Variants in DNAH1 observed in about 807,000 individuals in gnomAD.
DNAH1 encodes dynein axonemal heavy chain 1.
DNAH1 carries 327 observed loss-of-function variants against 484.3 expected under a neutral mutation model. That is an observed-to-expected ratio of 0.68 (90% CI 0.62 to 0.74). The LOEUF (loss-of-function observed/expected upper bound fraction) is 0.74, where lower values mean the gene tolerates loss of function less well. Among genes scored for constraint, DNAH1 ranks in the 30% least tolerant of loss-of-function variants. DNAH1 has a pLI of 0.00. For missense variants in DNAH1, 5,052 were observed against 5,546.8 expected (o/e 0.91, Z 2.83); for synonymous variants, 2,192 against 2,191.9 (o/e 1.00, Z 0.00).
Position 52,382,673 on chromosome 3 carries a change from T to C in DNAH1, c.7941+218T>C, listed in dbSNP as rs149267244. Among the ~76,000 whole-genome samples the C allele has an allele frequency of 3.3e-3, 496 of 152,236 alleles. 3 individuals carry two copies. Among genetic ancestry groups the C allele is most frequent in the Non-Finnish European group, 5.4e-3 (370 of 68,010 alleles). On this transcript the variant is annotated intron_variant, in intron 50 of 77. Transcript: ENST00000420323. ...GCTAAGGTGGGGTATAGATCATCAC[T>C]CATGCCCCGAAGGTAAAGAAGGCCC...
intron 3 of DNAH1, among the ~76,000 whole-genome samples, chr3:52,325,927 CCTT>C (rs1701320512): frequency 6.6e-6 from 1 of 152,134 alleles, no homozygotes; most frequent in Non-Finnish European, 1.5e-5. Flanking sequence ...CTAGGACAGA[CCTT>C]CTGGAAGCCA....
Position 52,362,261 on chromosome 3 carries a change from G to A in DNAH1, c.4981-127G>A, listed in dbSNP as rs932746112. ...GAGAGAGGATACAACCCATGATCAGGGGTCCAGGCCTGGCCTACCAGCTAC... is the reference window on the plus strand; with the variant it reads ...GAGAGAGGATACAACCCATGATCAGAGGTCCAGGCCTGGCCTACCAGCTAC... On this transcript the variant is annotated intron_variant, in intron 30 of 77. Coordinates refer to ENST00000420323, the MANE Select transcript of DNAH1 (RefSeq NM_015512.5). The surrounding 1 kb of genome is among the most constrained non-coding windows in gnomAD (Gnocchi z 5.1). The A allele has an allele frequency of 2.7e-6, 2 of 736,026 alleles. No homozygotes were observed. Among genetic ancestry groups the A allele is most frequent in the Admixed American group, 2.4e-5 (1 of 42,524 alleles). The allele number at this position is 736,026 out of a possible 1,614,324, so 45.6% of individuals were successfully genotyped here.
At chr3:52,394,177 G>A (rs1704516065) in intron 66 of DNAH1, among the ~76,000 whole-genome samples, 1 of 152,252 alleles carries the variant, frequency 6.6e-6, no homozygotes. Flanking sequence ...AGCCCTAACT[G>A]CGTGCCTGGC....
Position 52,389,437 on chromosome 3 carries a change from G to A in DNAH1, c.9496-24G>A, listed in dbSNP as rs563845666. 5.0e-6 allele frequency: 8 copies of A among 1,611,170 alleles called. No individual in the cohort carries two copies. In the Admixed American group the frequency reaches 8.4e-5, roughly 17 times the overall value. ...TCTCTGTGAGTGTCATGGTGGGGTG[G>A]TCCTGAGTCTGGCATCTCCCCAGGG... On this transcript the variant is annotated intron_variant, in intron 59 of 77. Transcript: ENST00000420323.
chr3:52,348,266 G>C lies in DNAH1; in HGVS notation c.2106+292G>C, dbSNP rs531691754. 5.3e-5 allele frequency among the ~76,000 whole-genome samples: 8 copies of C among 152,310 alleles called. No individual in the cohort carries two copies. In the South Asian group the frequency reaches 1.7e-3, roughly 32 times the overall value. ...GAGGCTTGGAGAAGTGTAATAGTTA[G>C]CCTAAGATTGCATAGCTGCTAAGTG... On this transcript the variant is annotated intron_variant, in intron 12 of 77. Transcript: ENST00000420323.
Position 52,391,604 on chromosome 3 carries a change from G to A in DNAH1, c.10052+1G>A, listed in dbSNP as rs564259451. 1 of 1,613,552 alleles carries A rather than the reference G, an allele frequency of 6.2e-7. No homozygotes were observed. The highest frequency in any genetic ancestry group is 2.2e-5 in the East Asian group (1 of 44,870). ...TCATCAACTTCACCCTGTCGCCCAG[G>A]TGAGCCCCCACTCTTGGGGACGCCC... is the stretch of plus-strand genomic sequence containing the variant. On this transcript the variant is annotated splice_donor_variant, in intron 63 of 77. Transcript: ENST00000420323. LOFTEE classifies it high-confidence loss of function.
chr3:52,327,741 G>T, intron 5 of DNAH1, 141 bp from the exon 6 acceptor site: 1 of 920,620 alleles, frequency 1.1e-6, no homozygotes, highest in Middle Eastern at 2.3e-4. Flanking sequence ...CCAGTGGAGA[G>T]GGTCAGCCCC....
rs973935125 is a variant in DNAH1 at position 52,361,005 on chromosome 3, G to A, written c.4686-159G>A. Among the ~76,000 whole-genome samples, 5 of 152,106 alleles carry A rather than the reference G, an allele frequency of 3.3e-5. No individual in the cohort carries two copies. The highest frequency in any genetic ancestry group is 1.2e-4 in the African/African-American group (5 of 41,432). On this transcript the variant is annotated intron_variant, in intron 28 of 77. Coordinates refer to ENST00000420323, the MANE Select transcript of DNAH1 (RefSeq NM_015512.5). The surrounding 1 kb of genome is among the most constrained non-coding windows in gnomAD (Gnocchi z 5.6). ...GGGACAGGGAACGCGCTGGGCAGGT[G>A]TCCACAGGCTCCAGTCCTGACCCCG... is the stretch of plus-strand genomic sequence containing the variant.
chr3:52,391,383 C>T (rs2153225565), intron 62 of DNAH1, 55 bp downstream of exon 62: 1 of 1,590,048 alleles, frequency 6.3e-7, no homozygotes, highest in South Asian at 1.1e-5. Context: ...GGGCAGTCCC[C>T]TTCCCCTGCC....
At chr3:52,339,488 C>T (rs1460917590) in intron 8 of DNAH1, among the ~76,000 whole-genome samples, 1 of 152,048 alleles carries the variant, frequency 6.6e-6, no homozygotes, top group Non-Finnish European at 1.5e-5. Flanking sequence ...GGTGGTTTTT[C>T]AGATGCCCAA....
upstream of DNAH1, among the ~76,000 whole-genome samples, chr3:52,311,761 G>A (rs1700767378): frequency 6.6e-6 from 1 of 152,298 alleles, no homozygotes. Flanking sequence ...GGGGTTGCTG[G>A]GACCCAGGGG....
Position 52,390,990 on chromosome 3 carries a change from T to C in DNAH1, c.9677T>C (p.Phe3226Ser). ...LSVENGVINQ[F>S]SQRWTHFIDP... ...GTGGAGAACGGGGTCATCAACCAGT[T>C]TTCCCAGCGCTGGACCCACTTCATT... Residue 3226 changes from phenylalanine to serine, a missense_variant, in exon 61 of 78, where the codon TTT becomes TCT. Phe to Ser is a radical substitution (Grantham distance 155). This residue lies in a region of DNAH1 where 2,929 missense variants were observed against 3,409.4 expected (regional missense o/e 0.86). Coordinates refer to ENST00000420323, the MANE Select transcript of DNAH1 (RefSeq NM_015512.5). The C allele has an allele frequency of 6.4e-7, 1 of 1,553,380 alleles. No homozygotes were observed. Among genetic ancestry groups the C allele is most frequent in the Non-Finnish European group, 8.7e-7 (1 of 1,147,966 alleles).
At chr3:52,321,048 C>T (rs62257587) in intron 1 of DNAH1, among the ~76,000 whole-genome samples, 1 of 151,982 alleles carries the variant, frequency 6.6e-6, no homozygotes, top group African/African-American at 2.4e-5. Context: ...GATCCACCCA[C>T]GTCAGCCTCC....
chr3:52,316,320 G>GTC lies in DNAH1; in HGVS notation c.-260_-259insTC, dbSNP rs1700948806. ...AGCAGGTGCCTCTCTACAGGCCAAGGGGGGTACCCAACCTATACGCAGACC... is the reference window on the plus strand; with the variant it reads ...AGCAGGTGCCTCTCTACAGGCCAAGGTCGGGGTACCCAACCTATACGCAGACC... On this transcript the variant is annotated 5_prime_UTR_variant, in exon 1 of 78. Coordinates refer to ENST00000420323, the MANE Select transcript of DNAH1 (RefSeq NM_015512.5). 1 of 152,332 alleles carries GTC rather than the reference G, an allele frequency of 6.6e-6. No individual in the cohort carries two copies. Among genetic ancestry groups the GTC allele is most frequent in the Non-Finnish European group, 1.5e-5 (1 of 68,150 alleles). The allele number at this position is 152,332 out of a possible 1,614,324, so 9.4% of individuals were successfully genotyped here. A position where few individuals can be genotyped will look rare whatever the true frequency, so the allele number is the denominator to read the frequency against.
In DNAH1 at chr3:52,379,945, G is replaced by A. The variant is rs1426030023; in HGVS notation, c.7418G>A (p.Cys2473Tyr). ...QLLRLWYHEN[C>Y]RVFRDRLVNE... ...CTGCGACTGTGGTATCACGAGAACT[G>A]CCGCGTGTTCCGGGACCGACTGGTG... The change falls in exon 48 of 78, where the codon TGC becomes TAC. Residue 2473 changes from cysteine to tyrosine, a missense_variant. Physicochemically the swap from Cys to Tyr is radical, Grantham distance 194. Transcript: ENST00000420323. The surrounding 1 kb of genome is among the most constrained non-coding windows in gnomAD (Gnocchi z 4.4). 2 of 1,577,464 alleles carry A rather than the reference G, an allele frequency of 1.3e-6. No homozygotes were observed. The highest frequency in any genetic ancestry group is 2.3e-5 in the East Asian group (1 of 42,624).
chr3:52,363,698 A>G (rs1187362378), intron 32 of DNAH1, among the ~76,000 whole-genome samples: 1 of 152,214 alleles, frequency 6.6e-6, no homozygotes, highest in Non-Finnish European at 1.5e-5. Flanking sequence ...CTGACATGCT[A>G]GCAACTTAGT....
chr3:52,393,064 T>A, intron 65 of DNAH1, 39 bp downstream of exon 65: 2 of 1,597,268 alleles, frequency 1.3e-6, no homozygotes, highest in Non-Finnish European at 8.6e-7. Context: ...TGCACAGATA[T>A]GACCCATGTG....
Position 52,355,106 on chromosome 3 carries a change from C to G in DNAH1, c.3693+51C>G. 2 of 1,569,716 alleles carry G rather than the reference C, an allele frequency of 1.3e-6. No individual in the cohort carries two copies. Among genetic ancestry groups the G allele is most frequent in the South Asian group, 2.2e-5 (2 of 90,102 alleles). On this transcript the variant is annotated intron_variant, in intron 21 of 77. Transcript: ENST00000420323. This position sits in a 1 kb window ranked among gnomAD's most constrained non-coding sequence, Gnocchi z 4.5. ...TCATCGCTCCCCCACTTCAGAGAGC[C>G]CGACCCACAGGTGTCACTGATGGTC...
Position 52,359,369 on chromosome 3 carries a change from C to T in DNAH1, c.4390C>T (p.Pro1464Ser), listed in dbSNP as rs1702757737. The T allele has an allele frequency of 1.9e-6, 3 of 1,570,894 alleles. No homozygotes were observed. The highest frequency in any genetic ancestry group is 2.7e-5 in the African/African-American group (2 of 73,940). ...CGGCAACCTCAGAAGCCAACTGTTC[C>T]CCCAGCTCTGCCAGCAGGTTGGAGT... ...EAGNLRSQLF[P>S]QLCQQLSDLV... The change falls in exon 26 of 78, where the codon CCC becomes TCC. Residue 1464 changes from proline (P) to serine (S), a missense_variant. By Grantham distance (74) the Pro-to-Ser change is moderately conservative. Transcript: ENST00000420323.
Sources: allele counts gnomAD v4.1 joint callset (sites outside exome capture counted in the v4.1 genomes callset), GRCh38; gene constraint gnomAD v4.1.1; regional missense constraint gnomAD v4.1.1; non-coding constraint Gnocchi (gnomAD v3.1); transcripts MANE v1.5; gene names NCBI Gene and HGNC (gene_info 2026-07-23, HGNC 2026-07-21).